The following TNIK variants were observed in gnomAD, a reference collection of about 807,000 sequenced individuals.
TNIK encodes the protein TRAF2 and NCK interacting kinase.
TNIK carries 49 observed loss-of-function variants against 191.3 expected under a neutral mutation model. The ratio of observed to expected loss-of-function variants is 0.26; its 90% CI spans 0.20 to 0.32. The LOEUF (loss-of-function observed/expected upper bound fraction) is 0.32, where lower values mean the gene tolerates loss of function less well. TNIK is among the 10% of genes least tolerant of loss of function. The pLI, the probability that TNIK is intolerant of heterozygous loss-of-function variation, is 1.00. For missense variants in TNIK, 1,155 were observed against 1,702.3 expected, an observed-to-expected ratio of 0.68 and a Z score of 5.66; for synonymous variants, 594 against 600.9, an observed-to-expected ratio of 0.99 and a Z score of 0.17.
chr3:171,108,243 T>C, intron 19 of TNIK, 81 bp from the exon 20 acceptor site: 1 of 1,115,280 alleles, frequency 9.0e-7, no homozygotes, highest in Non-Finnish European at 1.2e-6. Flanking sequence ...TTATCTGTGA[T>C]GTGTCATCAC....
At chr3:171,219,101 TATAA>T (rs1741925924) in intron 3 of TNIK, among the ~76,000 whole-genome samples, 1 of 132,366 alleles carries the variant, frequency 7.6e-6, no homozygotes, top group Non-Finnish European at 1.6e-5. Context: ...AATATATAAT[TATAA>T]ATATATATTT....
chr3:171,076,502 A>G (rs1719960986), intron 28 of TNIK, among the ~76,000 whole-genome samples: 1 of 152,222 alleles, frequency 6.6e-6, no homozygotes. Flanking sequence ...CTGAGACCAC[A>G]TCATGGACTC....
intron 3 of TNIK, among the ~76,000 whole-genome samples, chr3:171,222,130 T>C (rs1220310250): frequency 6.6e-6 from 1 of 152,094 alleles, no homozygotes; most frequent in Non-Finnish European, 1.5e-5. Context: ...TCACAATCAG[T>C]AAGGAGATGA....
chr3:171,300,880 T>C (rs932641047), intron 2 of TNIK, among the ~76,000 whole-genome samples: 2 of 152,128 alleles, frequency 1.3e-5, no homozygotes, highest in African/African-American at 2.4e-5. Flanking sequence ...TCTTTCCTGG[T>C]TCCTGCAGTA....
chr3:171,103,287 C>T (rs1256532040), intron 21 of TNIK, among the ~76,000 whole-genome samples: 2 of 152,052 alleles, frequency 1.3e-5, no homozygotes, highest in Admixed American at 1.3e-4. Context: ...AAGGCCAACT[C>T]TGTTTAAATG....
intron 27 of TNIK, 38 bp downstream of exon 27, chr3:171,082,213 T>C: frequency 6.2e-7 from 1 of 1,600,910 alleles, no homozygotes; most frequent in Non-Finnish European, 8.5e-7. Flanking sequence ...CCTTTCCCGC[T>C]GTATGGACCT....
chr3:171,245,887 C>T (rs767137890), intron 2 of TNIK, among the ~76,000 whole-genome samples: 11 of 151,946 alleles, frequency 7.2e-5, no homozygotes, highest in African/African-American at 9.7e-5. Flanking sequence ...ACATCAAATC[C>T]TATTGGAAAT....
chr3:171,100,802 T>C (rs1332506687), intron 22 of TNIK, among the ~76,000 whole-genome samples: 3 of 116,156 alleles, frequency 2.6e-5, no homozygotes, highest in Non-Finnish European at 5.6e-5. Flanking sequence ...TAGGTACATA[T>C]AAATATACAT....
At position 171,161,460 on chromosome 3, in the gene TNIK, G is replaced by A. The variant is rs915033569; in HGVS notation, c.950-124C>T. The A allele has an allele frequency of 3.1e-5, 22 of 712,940 alleles. No individual in the cohort carries two copies. In the East Asian group the frequency reaches 3.5e-4, roughly 11 times the overall value. 44.2% of individuals were successfully genotyped at this position (712,940 alleles called of 1,614,324 possible). A position where few individuals can be genotyped will look rare whatever the true frequency, so the allele number is the denominator to read the frequency against. On this transcript the variant is annotated intron_variant, in intron 10 of 32. Transcript: ENST00000436636. ...GTTGTAGTTAACACAGCGCTGGAACGGTCTCCAGGCTTGTGATTTAATGGT... is the reference window on the plus strand; with the variant it reads ...GTTGTAGTTAACACAGCGCTGGAACAGTCTCCAGGCTTGTGATTTAATGGT...
At chr3:171,284,122 G>A (rs533109534) in intron 2 of TNIK, among the ~76,000 whole-genome samples, 8 of 152,078 alleles carry the variant, frequency 5.3e-5, no homozygotes, top group African/African-American at 1.9e-4. Context: ...CTCTGGAGGG[G>A]GGCGGCAGGG....
At chr3:171,130,910 T>G (rs1428177171) in intron 15 of TNIK, among the ~76,000 whole-genome samples, 2 of 152,156 alleles carry the variant, frequency 1.3e-5, no homozygotes, top group African/African-American at 4.8e-5. Flanking sequence ...GACAGCACAT[T>G]AAAAACAATA....
chr3:171,251,642 C>A (rs1266032753), intron 2 of TNIK, among the ~76,000 whole-genome samples: 1 of 152,166 alleles, frequency 6.6e-6, no homozygotes, highest in East Asian at 1.9e-4. Flanking sequence ...CACACATACA[C>A]TATTTGATAC....
chr3:171,270,428 G>A (rs756054799), intron 2 of TNIK, among the ~76,000 whole-genome samples: 2 of 152,194 alleles, frequency 1.3e-5, no homozygotes, highest in Non-Finnish European at 1.5e-5. Context: ...TAGAGCGACT[G>A]TTAACATGGA....
chr3:171,139,412 AC>A, intron 14 of TNIK, 57 bp downstream of exon 14: 1 of 1,512,150 alleles, frequency 6.6e-7, no homozygotes, highest in East Asian at 2.3e-5. Flanking sequence ...ACACACACAC[AC>A]AAACACTTGC....
At chr3:171,121,112 G>A (rs780109823) in intron 18 of TNIK, among the ~76,000 whole-genome samples, 1 of 152,122 alleles carries the variant, frequency 6.6e-6, no homozygotes, top group East Asian at 1.9e-4. Context: ...TCACCCTTGG[G>A]AATCACTTCA....
chr3:171,331,817 T>C (rs1007723015), intron 2 of TNIK, among the ~76,000 whole-genome samples: 1 of 152,198 alleles, frequency 6.6e-6, no homozygotes, highest in African/African-American at 2.4e-5. Flanking sequence ...GTAATTTTTT[T>C]CTTTGAACGC....
At chr3:171,438,347 A>G (rs965361072) in intron 1 of TNIK, among the ~76,000 whole-genome samples, 14 of 152,232 alleles carry the variant, frequency 9.2e-5, no homozygotes, top group African/African-American at 3.1e-4. Flanking sequence ...TTGGTTTCCC[A>G]GAATCACAAT....
intron 1 of TNIK, among the ~76,000 whole-genome samples, chr3:171,384,454 A>G (rs1184456921): frequency 6.6e-6 from 1 of 152,252 alleles, no homozygotes; most frequent in Admixed American, 6.5e-5. Flanking sequence ...GCCCAGACCT[A>G]CTGCATCAGG....
intron 4 of TNIK, among the ~76,000 whole-genome samples, chr3:171,205,666 C>T (rs1020793079): frequency 1.7e-4 from 26 of 152,182 alleles, no homozygotes; most frequent in African/African-American, 6.3e-4. Flanking sequence ...TATTCGCAAG[C>T]CAGCAACTGA....
Sources: allele counts gnomAD v4.1 joint callset (sites outside exome capture counted in the v4.1 genomes callset), GRCh38; gene constraint gnomAD v4.1.1; transcripts MANE v1.5; gene names NCBI Gene and HGNC (gene_info 2026-07-23, HGNC 2026-07-21).